Variants in PKD1L3 observed in about 807,000 individuals in gnomAD.
The protein encoded by PKD1L3 is polycystin-1-like protein 3.
Under a neutral mutation model 184.1 loss-of-function variants are expected in PKD1L3, and 239 were observed. The ratio of observed to expected loss-of-function variants is 1.30; its 90% CI spans 1.17 to 1.45. The LOEUF (loss-of-function observed/expected upper bound fraction) is 1.45, where lower values mean the gene tolerates loss of function less well. PKD1L3 is among the 40% of genes most tolerant of loss of function. The probability of loss-of-function intolerance (pLI) is 0.00; values close to 1 mark genes in which losing one functional copy is unlikely to be tolerated. For missense variants in PKD1L3, 2,660 were observed against 2,067.2 expected (o/e 1.29, Z -5.56); for synonymous variants, 996 against 778.8 (o/e 1.28, Z -4.64).
intron 4 of PKD1L3, among the ~76,000 whole-genome samples, chr16:71,988,970 G>T (rs934081528): frequency 6.6e-5 from 10 of 152,186 alleles, no homozygotes; most frequent in Non-Finnish European, 1.2e-4. Context: ...TTTCACAAGA[G>T]AATTTTACCT....
chr16:71,947,167 G>T (rs1251717320), intron 22 of PKD1L3, among the ~76,000 whole-genome samples: 1 of 152,110 alleles, frequency 6.6e-6, no homozygotes, highest in Non-Finnish European at 1.5e-5. Context: ...TGAGACAGGA[G>T]AATCGCTTGA....
At chr16:71,992,846 C>T (rs557217550) in intron 3 of PKD1L3, among the ~76,000 whole-genome samples, 20 of 152,320 alleles carry the variant, frequency 1.3e-4, no homozygotes, top group African/African-American at 4.8e-4. Context: ...TGATTGCCGT[C>T]ATTTCAGGCT....
At chr16:71,950,557 T>A (rs1200616700) in intron 19 of PKD1L3, among the ~76,000 whole-genome samples, 1 of 152,152 alleles carries the variant, frequency 6.6e-6, no homozygotes, top group Admixed American at 6.6e-5. Context: ...TTCACCAGAA[T>A]GGCAGTACAT....
intron 16 of PKD1L3, among the ~76,000 whole-genome samples, chr16:71,961,118 C>T (rs752034126): frequency 1.3e-5 from 2 of 151,370 alleles, no homozygotes; most frequent in Admixed American, 6.6e-5. Context: ...AGTTTCAAGA[C>T]TTATTTGTTT....
In PKD1L3 at chr16:71,950,296, G is replaced by A; in HGVS notation, c.3205C>T (p.His1069Tyr). Residue 1069 changes from histidine (H) to tyrosine (Y), a missense_variant, in exon 20 of 30, where the codon CAC becomes TAC. By Grantham distance (83) the His-to-Tyr change is moderately conservative (BLOSUM62 2). Transcript: ENST00000620267. ...TGCAGGTAACAGCAGAAATGATGGT[G>A]GTTTTCAGGAACAACTGAAAATATA... is the stretch of plus-strand genomic sequence containing the variant. ...RHWARVVPEN[H>Y]HHFCCYLHRV... is the part of the protein sequence containing the mutation. 2.6e-6 allele frequency: 4 copies of A among 1,518,486 alleles called. No individual in the cohort carries two copies. The highest frequency in any genetic ancestry group is 3.5e-6 in the Non-Finnish European group (4 of 1,129,652). The allele number at this position is 1,518,486 out of a possible 1,614,324, so 94.1% of individuals were successfully genotyped here. A position where few individuals can be genotyped will look rare whatever the true frequency, so the allele number is the denominator to read the frequency against.
intron 16 of PKD1L3, among the ~76,000 whole-genome samples, chr16:71,961,570 G>A (rs1447677515): frequency 6.6e-6 from 1 of 151,242 alleles, no homozygotes; most frequent in African/African-American, 2.4e-5. Flanking sequence ...GCCATACATA[G>A]GTGCTTTGTT....
At position 71,947,532 on chromosome 16, in the gene PKD1L3, T is replaced by C; in HGVS notation, c.3678A>G (p.Lys1226=). Reference sequence around the variant, plus strand: ...TCCTCTTTGTTTGTTGTTCATTCTCTTTGTTAAGCCGTGGCATCCTGCTCA... The same window carrying C: ...TCCTCTTTGTTTGTTGTTCATTCTCCTTGTTAAGCCGTGGCATCCTGCTCA... The part of the protein sequence containing the change: ...LMMSRMPRLN[K]ENEQQTKRIL... The change falls in exon 22 of 30, where the codon AAA becomes AAG. Residue 1226 remains lysine (K), a synonymous_variant. Transcript: ENST00000620267. The C allele has an allele frequency of 2.6e-6, 4 of 1,547,528 alleles. No individual in the cohort carries two copies. The highest frequency in any genetic ancestry group is 3.5e-6 in the Non-Finnish European group (4 of 1,143,298).
chr16:71,964,227 C>T (rs2039402275), intron 15 of PKD1L3, among the ~76,000 whole-genome samples: 1 of 150,164 alleles, frequency 6.7e-6, no homozygotes, highest in Non-Finnish European at 1.5e-5. Flanking sequence ...ATTCGGCAAA[C>T]CTCCTCCTTT....
At position 71,970,054 on chromosome 16, in the gene PKD1L3, T is replaced by C. The variant is rs2039653172; in HGVS notation, c.2005A>G (p.Thr669Ala). The change falls in exon 13 of 30, where the codon ACC (threonine) becomes GCC (alanine). Residue 669 changes from threonine (T) to alanine (A), a missense_variant. By Grantham distance (58) the Thr-to-Ala change is moderately conservative. Transcript: ENST00000620267. The stretch of plus-strand genomic sequence containing the variant: ...ACAAAGAAGTCGCTGGCAAAGAAGG[T>C]CAGGTGGTTACAGAGACACTGTGTC... ...LRTQCLCNHL[T>A]FFASDFFVVP... 6.4e-7 allele frequency: 1 copy of C among 1,551,548 alleles called. No homozygotes were observed. The highest frequency in any genetic ancestry group is 2.0e-5 in the Admixed American group (1 of 50,960).
Position 71,967,933 on chromosome 16 carries a change from A to C in PKD1L3, c.2259T>G (p.Tyr753Ter). 6.4e-7 allele frequency: 1 copy of C among 1,551,580 alleles called. No homozygotes were observed. Among genetic ancestry groups the C allele is most frequent in the Non-Finnish European group, 8.7e-7 (1 of 1,146,824 alleles). The change falls in exon 14 of 30, where the codon TAT (tyrosine) becomes TAG (stop). Residue 753 changes from tyrosine (Y) to a stop codon, truncating the protein, a stop_gained. Coordinates refer to ENST00000620267, the MANE Select transcript of PKD1L3 (RefSeq NM_181536.2). LOFTEE classifies it high-confidence loss of function. ...FHYLIQVYTG[Y>*]RRSAATTAKV... ...TAGCTGTTGTAGCAGCGCTTCTTCG[A>C]TATCCGGTGTAGACCTGAATAAGGT... is the stretch of plus-strand genomic sequence containing the variant.
In PKD1L3 at chr16:71,977,339, G is replaced by GTCA. The variant is rs1262575196; in HGVS notation, c.1653_1655dup (p.Asp552dup). On this transcript the variant is annotated inframe_insertion, in exon 11 of 30. Transcript: ENST00000620267. ...GGTAGAGTGTCATTAAAAGGGGACT[G>GTCA]TCAGGATCTATGCTCACTATCAAGG... is the stretch of plus-strand genomic sequence containing the variant. 4 of 1,547,520 alleles carry GTCA rather than the reference G, an allele frequency of 2.6e-6. No homozygotes were observed. The highest frequency in any genetic ancestry group is 3.5e-6 in the Non-Finnish European group (4 of 1,143,330).
At position 71,935,396 on chromosome 16, in the gene PKD1L3, A is replaced by C; in HGVS notation, c.4575T>G (p.His1525Gln). The C allele has an allele frequency of 6.4e-7, 1 of 1,551,780 alleles. No homozygotes were observed. The highest frequency in any genetic ancestry group is 8.7e-7 in the Non-Finnish European group (1 of 1,146,990). ...CGCGGTATCGTGCCATGTTTTTCTT[A>C]TGTAGAGAAATACTCTTCATGTCAA... is the stretch of plus-strand genomic sequence containing the variant. ...LGLDMKSISLHKKNMARYRDD... is the reference protein window; with the variant it reads ...LGLDMKSISLQKKNMARYRDD... Residue 1525 changes from histidine to glutamine, a missense_variant, in exon 26 of 30, where the codon CAT becomes CAG. Coordinates refer to ENST00000620267, the MANE Select transcript of PKD1L3 (RefSeq NM_181536.2).
At chr16:71,964,599 A>T (rs1388851606) in intron 15 of PKD1L3, among the ~76,000 whole-genome samples, 1 of 151,656 alleles carries the variant, frequency 6.6e-6, no homozygotes, top group East Asian at 1.9e-4. Flanking sequence ...CTGGCCTCCC[A>T]AAGTGCTGGG....
chr16:71,963,114 G>C, intron 16 of PKD1L3, 91 bp downstream of exon 16: 1 of 1,283,986 alleles, frequency 7.8e-7, no homozygotes, highest in Non-Finnish European at 1.0e-6. Flanking sequence ...TTAATAAAAT[G>C]TTAATTTGCA....
chr16:71,935,696 G>A (rs1275629244), intron 25 of PKD1L3, among the ~76,000 whole-genome samples, 178 bp from the exon 26 acceptor site: 1 of 152,212 alleles, frequency 6.6e-6, no homozygotes, highest in Non-Finnish European at 1.5e-5. Context: ...CTTCAGAAAT[G>A]CTGCTTACAA....
At position 71,933,557 on chromosome 16, in the gene PKD1L3, G is replaced by A. The variant is rs371222717; in HGVS notation, c.4825-36C>T. 8.9e-5 allele frequency: 126 copies of A among 1,416,524 alleles called. No individual in the cohort carries two copies. In the African/African-American group the frequency reaches 1.5e-3, roughly 17 times the overall value. 87.7% of individuals were successfully genotyped at this position (1,416,524 alleles called of 1,614,324 possible). A position where few individuals can be genotyped will look rare whatever the true frequency, so the allele number is the denominator to read the frequency against. On this transcript the variant is annotated intron_variant, in intron 27 of 29. Transcript: ENST00000620267. ...GGAGAAAGGCCAGTTAGTGCAAGCC[G>A]AGCGCACATCTTTCTATCCTGAGGT...
At chr16:71,937,009 CAAATA>C (rs1206832023) in intron 25 of PKD1L3, among the ~76,000 whole-genome samples, 1 of 152,128 alleles carries the variant, frequency 6.6e-6, no homozygotes, top group Non-Finnish European at 1.5e-5. Flanking sequence ...TAGAGCTTCC[CAAATA>C]AAATGTGGCA....
At chr16:71,978,234 T>C (rs1400415395) in intron 10 of PKD1L3, 21 bp downstream of exon 10, 1 of 1,543,492 alleles carries the variant, frequency 6.5e-7, no homozygotes, top group African/African-American at 1.4e-5. Flanking sequence ...TCTATTTTAT[T>C]CCCTAAGAAT....
chr16:71,999,735 T>C lies in PKD1L3; in HGVS notation c.244A>G (p.Ile82Val). Residue 82 changes from isoleucine (I) to valine (V), a missense_variant, in exon 1 of 30, where the codon ATT becomes GTT. Coordinates refer to ENST00000620267, the MANE Select transcript of PKD1L3 (RefSeq NM_181536.2). Reference sequence around the variant, plus strand: ...TTCAATGGCATTACATTTTGCCCAATCCACCACTTCTTTCCTTCTTCCAGA... The same window carrying C: ...TTCAATGGCATTACATTTTGCCCAACCCACCACTTCTTTCCTTCTTCCAGA... ...DYLEEGKKWW[I>V]GQNVMPLKKH... 1 of 1,551,632 alleles carries C rather than the reference T, an allele frequency of 6.4e-7. No homozygotes were observed. Among genetic ancestry groups the C allele is most frequent in the Non-Finnish European group, 8.7e-7 (1 of 1,146,882 alleles).
Sources: allele counts gnomAD v4.1 joint callset (sites outside exome capture counted in the v4.1 genomes callset), GRCh38; gene constraint gnomAD v4.1.1; transcripts MANE v1.5; gene names NCBI Gene and HGNC (gene_info 2026-07-23, HGNC 2026-07-21).